CPA1: variants seen among roughly 807,000 people sequenced by gnomAD.
The protein encoded by CPA1 is carboxypeptidase A1.
A neutral mutation model predicts 48.7 loss-of-function variants in CPA1; 42 were observed. That is an observed-to-expected ratio of 0.86 (90% confidence interval 0.67 to 1.11). CPA1 has a LOEUF of 1.11. Among genes scored for constraint, CPA1 ranks in the 50% most tolerant of loss-of-function variants. The pLI is 0.00. For missense variants in CPA1, 477 were observed against 544.7 expected (o/e 0.88, Z 1.24); for synonymous variants, 203 against 217.9 (o/e 0.93, Z 0.60).
Position 130,388,088 on chromosome 7 carries a change from A to ATTCTGTTCCTGGTAC in CPA1, c.*77_*78insTTCTGTTCCTGGTAC. ...CCAAATAAAGTTTGAGTGTACCAGG[A>ATTCTGTTCCTGGTAC]ACAGAATCCTGGGGCTTGCATGTGG... On this transcript the variant is annotated 3_prime_UTR_variant, in exon 10 of 10. Transcript: ENST00000011292. 6.9e-7 allele frequency: 1 copy of ATTCTGTTCCTGGTAC among 1,441,640 alleles called. No homozygotes were observed. Among genetic ancestry groups the ATTCTGTTCCTGGTAC allele is most frequent in the Non-Finnish European group, 9.7e-7 (1 of 1,030,500 alleles). 89.3% of individuals were successfully genotyped at this position (1,441,640 alleles called of 1,614,324 possible).
intron 7 of CPA1, chr7:130,384,919 C>T (rs1796453496): frequency 4.9e-6 from 3 of 612,292 alleles, no homozygotes; most frequent in Non-Finnish European, 8.6e-6. Context: ...AACTGGTCTC[C>T]ACTGAGGAGC....
intron 2 of CPA1, among the ~76,000 whole-genome samples, 162 bp from the exon 3 acceptor site, chr7:130,381,468 G>T (rs901439793): frequency 1.1e-4 from 17 of 152,062 alleles, no homozygotes; most frequent in Middle Eastern, 3.2e-3. Flanking sequence ...CCAGTCCCCA[G>T]GGTTTCCCCG....
In CPA1 at chr7:130,388,074, T is replaced by C; in HGVS notation, c.*63T>C. On this transcript the variant is annotated 3_prime_UTR_variant, in exon 10 of 10. Transcript: ENST00000011292. ...CCCCATCCAGGCAACCAAATAAAGT[T>C]TGAGTGTACCAGGAACAGAATCCTG... is the stretch of plus-strand genomic sequence containing the variant. 2 of 1,525,062 alleles carry C rather than the reference T, an allele frequency of 1.3e-6. No homozygotes were observed. Among genetic ancestry groups the C allele is most frequent in the Non-Finnish European group, 1.8e-6 (2 of 1,103,216 alleles). 94.5% of individuals were successfully genotyped at this position (1,525,062 alleles called of 1,614,324 possible). A position where few individuals can be genotyped will look rare whatever the true frequency, so the allele number is the denominator to read the frequency against.
intron 3 of CPA1, 80 bp downstream of exon 3, chr7:130,381,943 A>G (rs1796411941): frequency 7.2e-7 from 1 of 1,387,560 alleles, no homozygotes; most frequent in Middle Eastern, 1.8e-4. Context: ...GGCCAAGGCC[A>G]GGGCCAGCCT....
intron 3 of CPA1, 46 bp downstream of exon 3, chr7:130,381,909 A>C (rs782503491): frequency 6.4e-7 from 1 of 1,554,918 alleles, no homozygotes. Flanking sequence ...CCAGCTCTTC[A>C]TCATGGCTGG....
At chr7:130,384,663 G>A in intron 7 of CPA1, 37 bp downstream of exon 7, 1 of 1,515,338 alleles carries the variant, frequency 6.6e-7, no homozygotes, top group Non-Finnish European at 9.2e-7. Flanking sequence ...AGGATGGGAT[G>A]GCCTCGAATG....
Position 130,385,901 on chromosome 7 carries a change from T to C in CPA1, c.1050T>C (p.Tyr350=), listed in dbSNP as rs782766382. ...LASLYGTKFN[Y]GSIIKAIYQA... is the part of the protein sequence containing the mutation. Reference sequence around the variant, plus strand: ...CTCTCTACGGGACCAAGTTCAACTATGGCAGCATCATCAAGGCAATTTGTA... The same window carrying C: ...CTCTCTACGGGACCAAGTTCAACTACGGCAGCATCATCAAGGCAATTTGTA... The change falls in exon 9 of 10, where the codon TAT becomes TAC. Residue 350 remains tyrosine (Y), a synonymous_variant. Coordinates refer to ENST00000011292, the MANE Select transcript of CPA1 (RefSeq NM_001868.4). 5.6e-6 allele frequency: 9 copies of C among 1,614,138 alleles called. No homozygotes were observed. Among genetic ancestry groups the C allele is most frequent in the Middle Eastern group, 1.6e-4 (1 of 6,062 alleles).
rs1796430049 is a variant in CPA1 at position 130,383,335 on chromosome 7, A to G, written c.484-56A>G. ...AGGTCGGGGTCTCCTTCAGGGCAGCAAGATGAGGCCTCAGCTGTGAAATTG... is the reference window on the plus strand; with the variant it reads ...AGGTCGGGGTCTCCTTCAGGGCAGCGAGATGAGGCCTCAGCTGTGAAATTG... On this transcript the variant is annotated intron_variant, in intron 4 of 9. Coordinates refer to ENST00000011292, the MANE Select transcript of CPA1 (RefSeq NM_001868.4). 3.4e-5 allele frequency: 49 copies of G among 1,442,164 alleles called. 1 individual carries two copies. In the South Asian group the frequency reaches 5.4e-4, roughly 16 times the overall value. The allele number at this position is 1,442,164 out of a possible 1,614,324, so 89.3% of individuals were successfully genotyped here. A position where few individuals can be genotyped will look rare whatever the true frequency, so the allele number is the denominator to read the frequency against.
Position 130,387,904 on chromosome 7 carries a change from G to A in CPA1, c.1153G>A (p.Gly385Arg), listed in dbSNP as rs1423355120. Residue 385 changes from glycine (G) to arginine (R), a missense_variant, in exon 10 of 10, where the codon GGG (glycine) becomes AGG (arginine). Coordinates refer to ENST00000011292, the MANE Select transcript of CPA1 (RefSeq NM_001868.4). The surrounding 1 kb of genome is among the most constrained non-coding windows in gnomAD (Gnocchi z 4.6). ...CTTCACCTTCGAGCTCCGGGACACT[G>A]GGCGCTATGGCTTCCTGCTGCCAGC... Reference protein sequence around the residue: ...YSFTFELRDTGRYGFLLPASQ... With the variant: ...YSFTFELRDTRRYGFLLPASQ... The A allele has an allele frequency of 1.9e-6, 3 of 1,614,032 alleles. No individual in the cohort carries two copies. The highest frequency in any genetic ancestry group is 2.5e-6 in the Non-Finnish European group (3 of 1,180,042).
Position 130,381,737 on chromosome 7 carries a change from CTA to C in CPA1, c.257_258del (p.Tyr86Ter), listed in dbSNP as rs1215465784. On this transcript the variant is annotated frameshift_variant, in exon 3 of 10. Coordinates refer to ENST00000011292, the MANE Select transcript of CPA1 (RefSeq NM_001868.4). LOFTEE classifies it high-confidence loss of function. ...KIFLESHGISYETMIEDVQSL... is the reference protein window; with the variant it reads ...KIFLESHGISXETMIEDVQSL... Reference sequence around the variant, plus strand: ...TCTTTCTGGAGTCCCACGGCATCAGCTATGAGACCATGATCGAGGACGTGCAG... The same window carrying C: ...TCTTTCTGGAGTCCCACGGCATCAGCTGAGACCATGATCGAGGACGTGCAG... 1 of 1,614,074 alleles carries C rather than the reference CTA, an allele frequency of 6.2e-7. No homozygotes were observed. The highest frequency in any genetic ancestry group is 1.7e-5 in the Admixed American group (1 of 60,008).
intron 6 of CPA1, chr7:130,384,230 C>T (rs1406151720): frequency 2.1e-6 from 1 of 481,680 alleles, no homozygotes. Context: ...GTGGAGGACA[C>T]CTCGCAGCTT....
Position 130,383,719 on chromosome 7 carries a change from C to T in CPA1, c.621C>T (p.Thr207=), listed in dbSNP as rs61735158. 3.8e-4 allele frequency: 608 copies of T among 1,614,142 alleles called. 3 individuals are homozygous for T. The African/African-American group carries it at 7.3e-3, about 19-fold the overall frequency. ...ACTACGGGCAGGATGCAGCTTTCACCGCCATTCTCGACACCTTGGACATCT... is the reference window on the plus strand; with the variant it reads ...ACTACGGGCAGGATGCAGCTTTCACTGCCATTCTCGACACCTTGGACATCT... ...TQDYGQDAAF[T]AILDTLDIFL... is the part of the protein sequence containing the mutation. Residue 207 remains threonine (T), a synonymous_variant, in exon 6 of 10, where the codon ACC becomes ACT. Transcript: ENST00000011292.
intron 9 of CPA1, among the ~76,000 whole-genome samples, chr7:130,386,262 G>A (rs572262817): frequency 8.5e-4 from 130 of 152,216 alleles, no homozygotes; most frequent in African/African-American, 2.8e-3. Flanking sequence ...GCAGGGCACC[G>A]TGGCTCATGC....
At chr7:130,384,098 C>T (rs1159952130) in intron 6 of CPA1, 17 of 466,520 alleles carry the variant, frequency 3.6e-5, no homozygotes, top group Non-Finnish European at 5.4e-5. Context: ...TGCAAAATAT[C>T]GCAGGGGAGG....
intron 8 of CPA1, 41 bp from the exon 9 acceptor site, chr7:130,385,798 G>T (rs1222997272): frequency 6.5e-6 from 10 of 1,550,372 alleles, no homozygotes; most frequent in African/African-American, 1.4e-5. Flanking sequence ...TGTTCCAGGA[G>T]CCTGGCCATG....
rs201893877 is a variant in CPA1, at chr7:130,381,169, A to T, written c.137A>T (p.Glu46Val). ...VQKVKELEDL[E>V]HLQLDFWRGP... ...AAGGTGAAGGAGCTGGAGGACCTGG[A>T]GCACCTGCAGGTCAGAAGAGGGGAG... The change falls in exon 2 of 10, where the codon GAG becomes GTG. Residue 46 changes from glutamate (E) to valine (V), a missense_variant. Physicochemically the swap from Glu to Val is moderately radical, Grantham distance 121. Coordinates refer to ENST00000011292, the MANE Select transcript of CPA1 (RefSeq NM_001868.4). 79 of 1,612,646 alleles carry T rather than the reference A, an allele frequency of 4.9e-5. No individual in the cohort carries two copies. Among genetic ancestry groups the T allele is most frequent in the Non-Finnish European group, 4.2e-5 (49 of 1,179,372 alleles).
chr7:130,382,053 G>A, intron 3 of CPA1, 55 bp from the exon 4 acceptor site: 1 of 1,456,110 alleles, frequency 6.9e-7, no homozygotes, highest in South Asian at 1.2e-5. Context: ...GCTAAGGGAA[G>A]CATCTGGGTG....
intron 4 of CPA1, among the ~76,000 whole-genome samples, chr7:130,382,795 C>T (rs782779803): frequency 9.9e-5 from 15 of 152,188 alleles, no homozygotes; most frequent in Non-Finnish European, 1.9e-4. Context: ...AGGCGCCTGC[C>T]ACCACGCCCG....
chr7:130,381,644 G>C lies in CPA1; in HGVS notation c.162G>C (p.Arg54=). ...DLEHLQLDFW[R]GPAHPGSPID... ...GTCCTCCCCAGCTGGACTTCTGGCG[G>C]GGGCCTGCCCACCCTGGCTCCCCCA... is the stretch of plus-strand genomic sequence containing the variant. Residue 54 remains arginine, a synonymous_variant, in exon 3 of 10, where the codon CGG becomes CGC. Coordinates refer to ENST00000011292, the MANE Select transcript of CPA1 (RefSeq NM_001868.4). The C allele has an allele frequency of 6.2e-7, 1 of 1,613,668 alleles. No individual in the cohort carries two copies. The highest frequency in any genetic ancestry group is 8.5e-7 in the Non-Finnish European group (1 of 1,179,854).
Sources: gnomAD v4.1 joint callset for allele counts (sites outside exome capture counted in the v4.1 genomes callset) on GRCh38, gnomAD v4.1.1 for gene constraint, Gnocchi (gnomAD v3.1) non-coding constraint, MANE v1.5 for transcripts, NCBI Gene and HGNC (gene_info 2026-07-23, HGNC 2026-07-21) for gene names.